Variants in ACOX2 observed in about 807,000 individuals in gnomAD.
The protein encoded by ACOX2 is acyl-CoA oxidase 2.
Under a neutral mutation model 77.5 loss-of-function variants are expected in ACOX2, and 59 were observed. The ratio of observed to expected loss-of-function variants is 0.76; its 90% CI spans 0.62 to 0.95. The LOEUF is 0.95. ACOX2 is among the 40% of genes least tolerant of loss of function. The pLI, the probability that ACOX2 is intolerant of heterozygous loss-of-function variation, is 0.00. For synonymous variants in ACOX2, 317 were observed against 340.1 expected (o/e 0.93, Z 0.75); for missense variants, 837 against 880.4 (o/e 0.95, Z 0.62).
chr3:58,531,607 C>G lies in ACOX2; in HGVS notation c.703+86G>C, dbSNP rs527335988. The G allele has an allele frequency of 1.3e-6, 2 of 1,554,472 alleles. No homozygotes were observed. The highest frequency in any genetic ancestry group is 8.7e-7 in the Non-Finnish European group (1 of 1,148,816). On this transcript the variant is annotated intron_variant, in intron 6 of 14. Coordinates refer to ENST00000302819, the MANE Select transcript of ACOX2 (RefSeq NM_003500.4). This position sits in a 1 kb window ranked among gnomAD's most constrained non-coding sequence, Gnocchi z 5.8. ...CCAAGGGAGACATGTCTTAGCTACT[C>G]CTGTGGCCCTCTGGGGCCCCAGGTC...
Position 58,512,592 on chromosome 3 carries a change from C to G in ACOX2, c.1851-3567G>C, listed in dbSNP as rs960853096. On this transcript the variant is annotated intron_variant, in intron 13 of 14. Coordinates refer to ENST00000302819, the MANE Select transcript of ACOX2 (RefSeq NM_003500.4). This position sits in a 1 kb window ranked among gnomAD's most constrained non-coding sequence, Gnocchi z 4.8. Reference sequence around the variant, plus strand: ...CCTACTGTACTCCCTTAACTCTCTGCCCTCTGCCGTCATTTTCCACCGCAG... The same window carrying G: ...CCTACTGTACTCCCTTAACTCTCTGGCCTCTGCCGTCATTTTCCACCGCAG... Among the ~76,000 whole-genome samples, 1 of 152,140 alleles carries G rather than the reference C, an allele frequency of 6.6e-6. No homozygotes were observed. Among genetic ancestry groups the G allele is most frequent in the Non-Finnish European group, 1.5e-5 (1 of 68,028 alleles).
At chr3:58,529,378 A>G (rs999809002) in intron 8 of ACOX2, among the ~76,000 whole-genome samples, 2 of 152,182 alleles carry the variant, frequency 1.3e-5, no homozygotes, top group Non-Finnish European at 2.9e-5. Flanking sequence ...AGCCTAAACA[A>G]TAACTCTTAG....
chr3:58,516,359 A>T (rs1024530241), intron 13 of ACOX2, among the ~76,000 whole-genome samples: 1 of 152,236 alleles, frequency 6.6e-6, no homozygotes, highest in East Asian at 1.9e-4. Flanking sequence ...CCCAGGGGCC[A>T]GACCTGAGAT....
intron 13 of ACOX2, among the ~76,000 whole-genome samples, chr3:58,510,029 A>C (rs2063266660): frequency 1.3e-5 from 2 of 152,158 alleles, no homozygotes; most frequent in Non-Finnish European, 2.9e-5. Context: ...TTCAAAAGGT[A>C]AAGATTTATA....
rs2063272102 is a variant in ACOX2, at chr3:58,510,645, A to AT, written c.1851-1621_1851-1620insA. On this transcript the variant is annotated intron_variant, in intron 13 of 14. Coordinates refer to ENST00000302819, the MANE Select transcript of ACOX2 (RefSeq NM_003500.4). The stretch of plus-strand genomic sequence containing the variant: ...AAGACTCCCGCTCAAAAAAAAAAAA[A>AT]AAAAAAAAAAAAAAAAAAATATATA... Among the ~76,000 whole-genome samples the AT allele has an allele frequency of 1.8e-4, 6 of 33,722 alleles. 1 individual carries two copies. Among genetic ancestry groups the AT allele is most frequent in the Admixed American group, 4.6e-4 (1 of 2,164 alleles). 22.1% of individuals were successfully genotyped at this position (33,722 alleles called of 152,430 possible). A position where few individuals can be genotyped will look rare whatever the true frequency, so the allele number is the denominator to read the frequency against.
rs762462043 is a variant in ACOX2 at position 58,524,410 on chromosome 3, C to A, written c.1526+16G>T. On this transcript the variant is annotated intron_variant, in intron 11 of 14. Coordinates refer to ENST00000302819, the MANE Select transcript of ACOX2 (RefSeq NM_003500.4). This position sits in a 1 kb window ranked among gnomAD's most constrained non-coding sequence, Gnocchi z 5.5. ...TGTGCCCAGGTGGGATGGCTGATTTCTCAGCACTGGCTTACCTTACTGCCA... is the reference window on the plus strand; with the variant it reads ...TGTGCCCAGGTGGGATGGCTGATTTATCAGCACTGGCTTACCTTACTGCCA... The A allele has an allele frequency of 1.2e-6, 2 of 1,605,010 alleles. No individual in the cohort carries two copies. The highest frequency in any genetic ancestry group is 1.7e-6 in the Non-Finnish European group (2 of 1,172,584).
At position 58,533,459 on chromosome 3, in the gene ACOX2, C is replaced by T; in HGVS notation, c.569G>A (p.Trp190Ter). The change falls in exon 5 of 15, where the codon TGG (tryptophan) becomes TAG (stop). Residue 190 changes from tryptophan (W) to a stop codon, truncating the protein, a stop_gained. Coordinates refer to ENST00000302819, the MANE Select transcript of ACOX2 (RefSeq NM_003500.4). LOFTEE classifies it high-confidence loss of function. The surrounding 1 kb of genome is among the most constrained non-coding windows in gnomAD (Gnocchi z 5.6). ...IHSPTLTATK[W>*]WPGDLGRSAT... The stretch of plus-strand genomic sequence containing the variant: ...TGTATACTCACAGTCTCCAGGCCAC[C>T]ATTTGGTGGCAGTCAGCGTGGGGCT... 1 of 1,613,794 alleles carries T rather than the reference C, an allele frequency of 6.2e-7. No individual in the cohort carries two copies. Among genetic ancestry groups the T allele is most frequent in the Non-Finnish European group, 8.5e-7 (1 of 1,179,900 alleles).
chr3:58,510,632 C>CAA (rs869206771), intron 13 of ACOX2, among the ~76,000 whole-genome samples: 2 of 6,840 alleles, frequency 2.9e-4, no homozygotes, highest in African/African-American at 8.9e-4. Flanking sequence ...GACTCCCGCT[C>CAA]AAAAAAAAAA....
chr3:58,524,465 G>A lies in ACOX2; in HGVS notation c.1487C>T (p.Pro496Leu), dbSNP rs748955764. 8.7e-6 allele frequency: 14 copies of A among 1,612,962 alleles called. No individual in the cohort carries two copies. Among genetic ancestry groups the A allele is most frequent in the African/African-American group, 2.7e-5 (2 of 74,740 alleles). ...TGCCCAGGCCGTGGTGTAGAGCTCC[G>A]GGCAGAGGAAGTCGGCTGCCCTCTG... Reference protein sequence around the residue: ...PAQRAADFLCPELYTTAWAHV... With the variant: ...PAQRAADFLCLELYTTAWAHV... The change falls in exon 11 of 15, where the codon CCG becomes CTG. Residue 496 changes from proline (P) to leucine (L), a missense_variant. Physicochemically the swap from Pro to Leu is moderately conservative, Grantham distance 98. Transcript: ENST00000302819. This position sits in a 1 kb window ranked among gnomAD's most constrained non-coding sequence, Gnocchi z 5.5.
At position 58,534,204 on chromosome 3, in the gene ACOX2, C is replaced by T. The variant is rs906763116; in HGVS notation, c.324-59G>A. On this transcript the variant is annotated intron_variant, in intron 3 of 14. Transcript: ENST00000302819. This position sits in a 1 kb window ranked among gnomAD's most constrained non-coding sequence, Gnocchi z 4.8. Reference sequence around the variant, plus strand: ...ATTGGAGACAGGGGCCCAGGTACCCCCTGCCTGAGCAGAGTACAGGAGATA... The same window carrying T: ...ATTGGAGACAGGGGCCCAGGTACCCTCTGCCTGAGCAGAGTACAGGAGATA... 2 of 1,605,904 alleles carry T rather than the reference C, an allele frequency of 1.2e-6. No individual in the cohort carries two copies. Among genetic ancestry groups the T allele is most frequent in the South Asian group, 1.1e-5 (1 of 90,138 alleles).
Position 58,519,398 on chromosome 3 carries a change from T to C in ACOX2, c.1633-1975A>G, listed in dbSNP as rs1188641352. On this transcript the variant is annotated intron_variant, in intron 12 of 14. Coordinates refer to ENST00000302819, the MANE Select transcript of ACOX2 (RefSeq NM_003500.4). The surrounding 1 kb of genome is among the most constrained non-coding windows in gnomAD (Gnocchi z 5.0). Reference sequence around the variant, plus strand: ...GACTCTATCATAGAAAAAAAAAGAGTGCCTTGGGGGTTCAAAGGAGTTCAC... The same window carrying C: ...GACTCTATCATAGAAAAAAAAAGAGCGCCTTGGGGGTTCAAAGGAGTTCAC... Among the ~76,000 whole-genome samples the C allele has an allele frequency of 1.3e-5, 2 of 151,168 alleles. No homozygotes were observed. Among genetic ancestry groups the C allele is most frequent in the African/African-American group, 4.9e-5 (2 of 41,096 alleles).
Position 58,524,675 on chromosome 3 carries a change from CAG to C in ACOX2, c.1347-72_1347-71del. ...GAGACAGCCCAGCACCCCTCACTCC[CAG>C]AGACAGGCAAGCTCATGCTAGGTTC... On this transcript the variant is annotated intron_variant, in intron 10 of 14. Coordinates refer to ENST00000302819, the MANE Select transcript of ACOX2 (RefSeq NM_003500.4). The surrounding 1 kb of genome is among the most constrained non-coding windows in gnomAD (Gnocchi z 5.5). The C allele has an allele frequency of 6.7e-7, 1 of 1,484,134 alleles. No individual in the cohort carries two copies. Among genetic ancestry groups the C allele is most frequent in the Non-Finnish European group, 9.2e-7 (1 of 1,088,568 alleles). The allele number at this position is 1,484,134 out of a possible 1,614,324, so 91.9% of individuals were successfully genotyped here. A position where few individuals can be genotyped will look rare whatever the true frequency, so the allele number is the denominator to read the frequency against.
At chr3:58,517,604 T>TGA (rs2063330417) in intron 12 of ACOX2, among the ~76,000 whole-genome samples, 181 bp from the exon 13 acceptor site, 1 of 120,506 alleles carries the variant, frequency 8.3e-6, no homozygotes, top group Non-Finnish European at 1.7e-5. Context: ...GTTGTGTATA[T>TGA]GTGTGTGTTG....
In ACOX2 at chr3:58,528,884, A is replaced by G. The variant is rs1316444337; in HGVS notation, c.1065T>C (p.Tyr355=). 6.2e-7 allele frequency: 1 copy of G among 1,613,836 alleles called. No individual in the cohort carries two copies. The highest frequency in any genetic ancestry group is 1.1e-5 in the South Asian group (1 of 90,944). ...QKLFPQLAIS[Y]AFHFLAVSLL... The stretch of plus-strand genomic sequence containing the variant: ...GGCTGACTGCCAGGAAATGGAAGGC[A>G]TAACTGATGGCCAGCTGAGGAAAGA... Residue 355 remains tyrosine (Y), a synonymous_variant, in exon 9 of 15, where the codon TAT becomes TAC. Transcript: ENST00000302819. This position sits in a 1 kb window ranked among gnomAD's most constrained non-coding sequence, Gnocchi z 5.6.
In ACOX2 at chr3:58,524,805, T is replaced by C. The variant is rs6445986; in HGVS notation, c.1347-200A>G. 0.25 allele frequency among the ~76,000 whole-genome samples: 38,478 copies of C among 152,154 alleles called. 9,056 individuals carry two copies. Among genetic ancestry groups the C allele is most frequent in the African/African-American group, 0.63 (25,990 of 41,510 alleles). ...GCCTCGAGGCCCTCAGTCAGGCATA[T>C]CCCAGGACCTGTGGAGCTGGGCCAG... On this transcript the variant is annotated intron_variant, in intron 10 of 14. Transcript: ENST00000302819. This position sits in a 1 kb window ranked among gnomAD's most constrained non-coding sequence, Gnocchi z 5.5.
rs533182094 is a variant in ACOX2 at position 58,535,179 on chromosome 3, A to C, written c.-73T>G. The stretch of plus-strand genomic sequence containing the variant: ...GCTGCTCCGAGGGTCTGCTCTCAGC[A>C]TTGGTCAGTGCAAAGAACCTGTGTG... On this transcript the variant is annotated 5_prime_UTR_variant, in exon 2 of 15. An upstream start codon of the reference 5' UTR is lost. Transcript: ENST00000302819. This position sits in a 1 kb window ranked among gnomAD's most constrained non-coding sequence, Gnocchi z 4.8. The C allele has an allele frequency of 6.9e-6, 11 of 1,589,446 alleles. No individual in the cohort carries two copies. Among genetic ancestry groups the C allele is most frequent in the African/African-American group, 5.4e-5 (4 of 74,680 alleles).
Position 58,526,437 on chromosome 3 carries a change from G to T in ACOX2, c.1346+29C>A, listed in dbSNP as rs1480835415. ...GCTTGGTGGGTCCCCAAGGGCTTGG[G>T]CAAAGGCCTGGGTCAGCCTGGACCT... On this transcript the variant is annotated intron_variant, in intron 10 of 14. Transcript: ENST00000302819. This position sits in a 1 kb window ranked among gnomAD's most constrained non-coding sequence, Gnocchi z 4.3. 2 of 1,585,886 alleles carry T rather than the reference G, an allele frequency of 1.3e-6. No homozygotes were observed. Among genetic ancestry groups the T allele is most frequent in the Non-Finnish European group, 8.6e-7 (1 of 1,163,828 alleles).
rs1217333098 is a variant in ACOX2 at position 58,523,169 on chromosome 3, C to CCCAT, written c.1527-572_1527-569dup. Among the ~76,000 whole-genome samples, 1 of 152,216 alleles carries CCCAT rather than the reference C, an allele frequency of 6.6e-6. No homozygotes were observed. The highest frequency in any genetic ancestry group is 2.4e-5 in the African/African-American group (1 of 41,450). On this transcript the variant is annotated intron_variant, in intron 11 of 14. Transcript: ENST00000302819. The surrounding 1 kb of genome is among the most constrained non-coding windows in gnomAD (Gnocchi z 5.3). ...ATCCCCTCTTATTTTCTATTCCCTG[C>CCCAT]CCATCCATCCATGACCCTTAGAATT...
Position 58,533,362 on chromosome 3 carries a change from G to T in ACOX2, c.583+83C>A. 8.0e-7 allele frequency: 1 copy of T among 1,248,418 alleles called. No individual in the cohort carries two copies. The highest frequency in any genetic ancestry group is 1.2e-6 in the Non-Finnish European group (1 of 865,462). The allele number at this position is 1,248,418 out of a possible 1,614,324, so 77.3% of individuals were successfully genotyped here. A position where few individuals can be genotyped will look rare whatever the true frequency, so the allele number is the denominator to read the frequency against. ...ACAGAAAATCAATCTGAGGTCTGTT[G>T]GACCTCAAAGCCAGTGCTACTCTGC... On this transcript the variant is annotated intron_variant, in intron 5 of 14. Coordinates refer to ENST00000302819, the MANE Select transcript of ACOX2 (RefSeq NM_003500.4). The surrounding 1 kb of genome is among the most constrained non-coding windows in gnomAD (Gnocchi z 5.6).
Sources: gnomAD v4.1 joint callset for allele counts (sites outside exome capture counted in the v4.1 genomes callset) on GRCh38, gnomAD v4.1.1 for gene constraint, Gnocchi (gnomAD v3.1) non-coding constraint, MANE v1.5 for transcripts, NCBI Gene and HGNC (gene_info 2026-07-23, HGNC 2026-07-21) for gene names.